The following LNX1 variants were observed in gnomAD, a reference collection of about 807,000 sequenced individuals.
LNX1 encodes ligand of numb-protein X 1, also known as E3 ubiquitin-protein ligase LNX.
In LNX1, 54 loss-of-function variants were observed where a neutral mutation model predicts 68.4. That is an observed-to-expected ratio of 0.79 (90% CI 0.63 to 0.99). The LOEUF (loss-of-function observed/expected upper bound fraction) is 0.99. Ranked by LOEUF, LNX1 falls within the 50% of genes least tolerant of loss-of-function variation. The pLI is 0.00. For missense variants in LNX1, 906 were observed against 926.4 expected (o/e 0.98, Z 0.29); for synonymous variants, 336 against 350.0 (o/e 0.96, Z 0.45).
chr4:53,652,027 G>C (rs1735120471), intron 1 of LNX1: 1 of 61,904 alleles, frequency 1.6e-5, no homozygotes, highest in South Asian at 4.8e-4. Context: ...GTGTGAGAGA[G>C]AGAGAGAGAG....
chr4:53,554,255 A>G (rs1433557701), intron 2 of LNX1, among the ~76,000 whole-genome samples: 1 of 152,238 alleles, frequency 6.6e-6, no homozygotes, highest in East Asian at 1.9e-4. Context: ...GTAAGTCCCC[A>G]GTAAAACCCA....
At chr4:53,583,864 CTG>C (rs1288607557) in intron 1 of LNX1, among the ~76,000 whole-genome samples, 2 of 152,062 alleles carry the variant, frequency 1.3e-5, no homozygotes, top group Non-Finnish European at 2.9e-5. Flanking sequence ...TGTAAAAACT[CTG>C]TAACAGAAAA....
chr4:53,571,675 C>A (rs796846473), intron 2 of LNX1, among the ~76,000 whole-genome samples: 14 of 151,800 alleles, frequency 9.2e-5, no homozygotes, highest in African/African-American at 3.1e-4. Flanking sequence ...TTGTTTTTTT[C>A]TTTTTTTGAG....
At chr4:53,560,840 A>G (rs1730234070) in intron 2 of LNX1, among the ~76,000 whole-genome samples, 1 of 152,218 alleles carries the variant, frequency 6.6e-6, no homozygotes, top group Admixed American at 6.5e-5. Context: ...CCAATATAAC[A>G]CAATTTTCCA....
intron 2 of LNX1, among the ~76,000 whole-genome samples, chr4:53,520,869 G>A (rs1396685426): frequency 6.6e-6 from 1 of 152,164 alleles, no homozygotes; most frequent in African/African-American, 2.4e-5. Flanking sequence ...GGCTGAGGCA[G>A]GAGAATCACT....
At chr4:53,586,246 T>A (rs548234210) in intron 1 of LNX1, among the ~76,000 whole-genome samples, 11 of 152,222 alleles carry the variant, frequency 7.2e-5, no homozygotes, top group African/African-American at 2.4e-4. Context: ...ACATGGTGAC[T>A]CATGTATTCA....
At chr4:53,643,604 T>TA (rs926883252) in intron 1 of LNX1, among the ~76,000 whole-genome samples, 50 of 152,348 alleles carry the variant, frequency 3.3e-4, no homozygotes, top group African/African-American at 1.1e-3. Flanking sequence ...ACTGAAGAAC[T>TA]AGCTGCCCAA....
intron 6 of LNX1, among the ~76,000 whole-genome samples, chr4:53,483,522 A>G (rs555586173): frequency 1.3e-5 from 2 of 152,354 alleles, no homozygotes; most frequent in East Asian, 1.9e-4. Context: ...TCACATAAAT[A>G]GAGCTCTCTG....
chr4:53,560,092 T>C lies in LNX1; in HGVS notation c.380+13531A>G, dbSNP rs112367602. On this transcript the variant is annotated intron_variant, in intron 2 of 10. Coordinates refer to ENST00000263925, the MANE Select transcript of LNX1 (RefSeq NM_001126328.3). Reference sequence around the variant, plus strand: ...ATACTATTAGAGAAGTGACATGTTATAGTCTTATCCTAAATATGGAGTTTC... The same window carrying C: ...ATACTATTAGAGAAGTGACATGTTACAGTCTTATCCTAAATATGGAGTTTC... 3.2e-3 allele frequency among the ~76,000 whole-genome samples: 490 copies of C among 152,358 alleles called. 4 individuals carry two copies. Among genetic ancestry groups the C allele is most frequent in the African/African-American group, 0.011 (471 of 41,582 alleles).
At chr4:53,502,669 C>A (rs890024275) in intron 4 of LNX1, among the ~76,000 whole-genome samples, 1 of 152,180 alleles carries the variant, frequency 6.6e-6, no homozygotes, top group Non-Finnish European at 1.5e-5. Flanking sequence ...TATGCAGATT[C>A]TCTGTAGAAT....
chr4:53,461,651 CT>C, intron 9 of LNX1, 58 bp from the exon 10 acceptor site: 1 of 1,276,088 alleles, frequency 7.8e-7, no homozygotes, highest in Non-Finnish European at 1.1e-6. Context: ...TAAGGGAATA[CT>C]TACTGTGACT....
At chr4:53,608,470 T>G (rs978001417) in intron 2 of LNX1, among the ~76,000 whole-genome samples, 1 of 152,172 alleles carries the variant, frequency 6.6e-6, no homozygotes, top group African/African-American at 2.4e-5. Flanking sequence ...TAGCAGAAGC[T>G]GGTAAGGTTG....
intron 2 of LNX1, among the ~76,000 whole-genome samples, chr4:53,526,329 C>T (rs1037126556): frequency 6.6e-6 from 1 of 152,156 alleles, no homozygotes; most frequent in African/African-American, 2.4e-5. Context: ...GACACAACAG[C>T]TACTTCTGAA....
intron 2 of LNX1, among the ~76,000 whole-genome samples, chr4:53,564,852 G>T (rs770089999): frequency 6.6e-6 from 1 of 152,156 alleles, no homozygotes; most frequent in African/African-American, 2.4e-5. Flanking sequence ...GAGTCAGGGA[G>T]TTAGTTCCCT....
Position 53,467,716 on chromosome 4 carries a change from C to T in LNX1, c.1893-6123G>A, listed in dbSNP as rs1198334126. 2.6e-5 allele frequency among the ~76,000 whole-genome samples: 4 copies of T among 152,026 alleles called. 1 individual carries two copies. The highest frequency in any genetic ancestry group is 4.8e-5 in the African/African-American group (2 of 41,380). On this transcript the variant is annotated intron_variant, in intron 9 of 10. Transcript: ENST00000263925. ...AATGCACAAGCCTCAGTAGCCGATG[C>T]GATCAACTGGAAGAAAGGGTATCAG...
At chr4:53,487,623 G>A (rs937920791) in intron 6 of LNX1, among the ~76,000 whole-genome samples, 3 of 152,178 alleles carry the variant, frequency 2.0e-5, no homozygotes, top group Middle Eastern at 3.2e-3. Context: ...GGCAGACCAT[G>A]TACATAGCTT....
chr4:53,618,560 T>C (rs1021721747), upstream of LNX1, among the ~76,000 whole-genome samples: 4 of 152,276 alleles, frequency 2.6e-5, no homozygotes, highest in Non-Finnish European at 5.9e-5. Flanking sequence ...CAGAGCCCTG[T>C]ATGTAAAGGA....
intron 6 of LNX1, among the ~76,000 whole-genome samples, chr4:53,486,349 G>A (rs886966365): frequency 7.2e-5 from 11 of 152,180 alleles, no homozygotes; most frequent in African/African-American, 2.7e-4. Context: ...AGCATCCAGA[G>A]TAGCTGGGGC....
At position 53,460,228 on chromosome 4, in the gene LNX1, C is replaced by T. The variant is rs2048709; in HGVS notation, c.*679G>A. On this transcript the variant is annotated 3_prime_UTR_variant, in exon 11 of 11. Coordinates refer to ENST00000263925, the MANE Select transcript of LNX1 (RefSeq NM_001126328.3). ...TGGTGGAGCAGCATGAGTTTTTATA[C>T]AGTTACTAACGATTGTGGAAAAAAA... is the stretch of plus-strand genomic sequence containing the variant. 0.12 allele frequency: 22,973 copies of T among 193,922 alleles called. 2,795 individuals are homozygous for T. The highest frequency in any genetic ancestry group is 0.32 in the African/African-American group (13,728 of 43,176). The allele number at this position is 193,922 out of a possible 1,614,324, so 12.0% of individuals were successfully genotyped here.
Sources: allele counts gnomAD v4.1 joint callset (sites outside exome capture counted in the v4.1 genomes callset), GRCh38; gene constraint gnomAD v4.1.1; transcripts MANE v1.5; gene names NCBI Gene and HGNC (gene_info 2026-07-23, HGNC 2026-07-21).